The following VWC2 variants were observed in gnomAD, a reference collection of about 807,000 sequenced individuals.
The protein encoded by VWC2 is brorin.
VWC2 carries 14 observed loss-of-function variants against 29.8 expected under a neutral mutation model. That is an observed-to-expected ratio of 0.47 (90% CI 0.31 to 0.74). The LOEUF is 0.74. VWC2 is among the 30% of genes least tolerant of loss of function. The pLI, the probability that VWC2 is intolerant of heterozygous loss-of-function variation, is 0.05. For missense variants in VWC2, 457 were observed against 459.8 expected (o/e 0.99, Z 0.05); for synonymous variants, 213 against 199.0 (o/e 1.07, Z -0.59).
At chr7:49,850,437 T>C (rs1790130333) in intron 3 of VWC2, 1 of 152,346 alleles carries the variant, frequency 6.6e-6, no homozygotes, top group African/African-American at 2.4e-5. Context: ...GGCATCCTTA[T>C]AAGCCAAGTA....
At chr7:49,788,979 ATGTG>A (rs796679474) in intron 2 of VWC2, among the ~76,000 whole-genome samples, 1 of 133,046 alleles carries the variant, frequency 7.5e-6, no homozygotes, top group Non-Finnish European at 1.6e-5. Flanking sequence ...GTGTGTGAGC[ATGTG>A]TGTGTGAGGT....
chr7:49,895,377 A>C (rs888852960), intron 3 of VWC2, among the ~76,000 whole-genome samples: 3 of 152,216 alleles, frequency 2.0e-5, no homozygotes, highest in Non-Finnish European at 4.4e-5. Flanking sequence ...GGGGGACACC[A>C]ATATTCAGAT....
At chr7:49,858,869 T>C (rs1190891229) in intron 3 of VWC2, among the ~76,000 whole-genome samples, 2 of 152,238 alleles carry the variant, frequency 1.3e-5, no homozygotes, top group African/African-American at 4.8e-5. Context: ...ATTTAAAAAC[T>C]TACCTTGTTT....
intron 3 of VWC2, among the ~76,000 whole-genome samples, chr7:49,899,346 A>G (rs775098381): frequency 1.3e-5 from 2 of 152,026 alleles, no homozygotes; most frequent in African/African-American, 4.8e-5. Flanking sequence ...ATTAAAGTTT[A>G]GGAGTTTTTT....
chr7:49,777,136 G>C (rs1177644206), intron 2 of VWC2, among the ~76,000 whole-genome samples: 1 of 152,214 alleles, frequency 6.6e-6, no homozygotes, highest in Non-Finnish European at 1.5e-5. Flanking sequence ...CCTCAAGGTA[G>C]GTTCAACCTA....
In VWC2 at chr7:49,780,168, G is replaced by A. The variant is rs116242478; in HGVS notation, c.696+4037G>A. ...AAAACAGTGCTTATGACGAAGGCACGGAGTGAGTGGTGATGAAGTGTATGC... is the reference window on the plus strand; with the variant it reads ...AAAACAGTGCTTATGACGAAGGCACAGAGTGAGTGGTGATGAAGTGTATGC... On this transcript the variant is annotated intron_variant, in intron 2 of 3. Transcript: ENST00000340652. Among the ~76,000 whole-genome samples, 45 of 152,326 alleles carry A rather than the reference G, an allele frequency of 3.0e-4. 1 individual carries two copies. Among genetic ancestry groups the A allele is most frequent in the African/African-American group, 8.9e-4 (37 of 41,556 alleles).
intron 2 of VWC2, among the ~76,000 whole-genome samples, chr7:49,782,848 C>T (rs1181698524): frequency 2.6e-5 from 4 of 151,888 alleles, no homozygotes. Context: ...CATAAGACCC[C>T]ATCTTAAAAA....
In VWC2 at chr7:49,917,366, A is replaced by C. The variant is rs553512622; in HGVS notation, c.*5181A>C. On this transcript the variant is annotated 3_prime_UTR_variant, in exon 4 of 4. Transcript: ENST00000340652. The stretch of plus-strand genomic sequence containing the variant: ...TGAATATTAAGTGACACTGACAATC[A>C]CCCTGAAAAGTATTCAGCCAAAGTT... 6.6e-6 allele frequency: 1 copy of C among 152,334 alleles called. No homozygotes were observed. Among genetic ancestry groups the C allele is most frequent in the African/African-American group, 2.4e-5 (1 of 41,588 alleles). 9.4% of individuals were successfully genotyped at this position (152,334 alleles called of 1,614,324 possible).
intron 3 of VWC2, among the ~76,000 whole-genome samples, chr7:49,872,604 C>T (rs74752170): frequency 0.013 from 1,971 of 151,440 alleles, 21 homozygotes; most frequent in Non-Finnish European, 0.018. Flanking sequence ...ACAATAAAAG[C>T]CATGAAGATC....
intron 2 of VWC2, among the ~76,000 whole-genome samples, chr7:49,783,744 A>T (rs916187074): frequency 6.6e-6 from 1 of 152,230 alleles, no homozygotes; most frequent in Non-Finnish European, 1.5e-5. Flanking sequence ...GGAAAAGCAT[A>T]GAGCTTGAAA....
intron 3 of VWC2, among the ~76,000 whole-genome samples, chr7:49,871,908 A>AAC (rs72332840): frequency 0.031 from 2,717 of 87,824 alleles, 53 homozygotes; most frequent in African/African-American, 0.05. Flanking sequence ...TGTGTATATA[A>AAC]ACACACACAC....
chr7:49,881,128 C>T (rs868008835), intron 3 of VWC2, among the ~76,000 whole-genome samples: 4 of 152,222 alleles, frequency 2.6e-5, no homozygotes, highest in Middle Eastern at 3.4e-3. Context: ...GCCAGGTTTG[C>T]GTTTGACTTG....
At chr7:49,846,618 A>G (rs1427541535) in intron 3 of VWC2, among the ~76,000 whole-genome samples, 2 of 152,108 alleles carry the variant, frequency 1.3e-5, no homozygotes, top group African/African-American at 2.4e-5. Flanking sequence ...TTACACTGTT[A>G]TTATTATTGC....
At chr7:49,795,996 TA>T (rs1357882039) in intron 2 of VWC2, among the ~76,000 whole-genome samples, 4 of 152,114 alleles carry the variant, frequency 2.6e-5, no homozygotes, top group African/African-American at 7.2e-5. Flanking sequence ...TAGAGGCAGA[TA>T]GGGGGTAGGG....
chr7:49,890,448 T>TAA (rs1169563453), intron 3 of VWC2, among the ~76,000 whole-genome samples: 1 of 152,130 alleles, frequency 6.6e-6, no homozygotes, highest in Non-Finnish European at 1.5e-5. Context: ...CTGTTTGACT[T>TAA]TTTACAGACC....
At chr7:49,893,119 G>A (rs1792214961) in intron 3 of VWC2, among the ~76,000 whole-genome samples, 3 of 152,156 alleles carry the variant, frequency 2.0e-5, no homozygotes, top group Admixed American at 2.0e-4. Context: ...AGAATGTTGA[G>A]CATGAGAATA....
chr7:49,880,436 GT>G (rs1478868018), intron 3 of VWC2, among the ~76,000 whole-genome samples: 1 of 150,148 alleles, frequency 6.7e-6, no homozygotes, highest in East Asian at 1.9e-4. Flanking sequence ...CTTTTGTTTT[GT>G]TTTTGACCTG....
chr7:49,794,886 C>A (rs562452), intron 2 of VWC2, among the ~76,000 whole-genome samples: 3,489 of 152,298 alleles, frequency 0.023, 126 homozygotes, highest in African/African-American at 0.08. Context: ...ATTCCAAGTT[C>A]TCTGTCAGAT....
chr7:49,872,091 T>A (rs1302799627), intron 3 of VWC2, among the ~76,000 whole-genome samples: 1 of 151,910 alleles, frequency 6.6e-6, no homozygotes, highest in East Asian at 1.9e-4. Context: ...TAAAGAACAG[T>A]ATACTATGAA....
Sources: allele counts gnomAD v4.1 joint callset (sites outside exome capture counted in the v4.1 genomes callset), GRCh38; gene constraint gnomAD v4.1.1; transcripts MANE v1.5; gene names NCBI Gene and HGNC (gene_info 2026-07-23, HGNC 2026-07-21).